RPS6KA2: variants seen among roughly 807,000 people sequenced by gnomAD.
RPS6KA2 encodes ribosomal protein S6 kinase alpha-2.
RPS6KA2 carries 42 observed loss-of-function variants against 91.8 expected under a neutral mutation model. The observed-to-expected ratio is 0.46, with a 90% CI of 0.36 to 0.59. The LOEUF (loss-of-function observed/expected upper bound fraction) is 0.59. Among genes scored for constraint, RPS6KA2 ranks in the 20% least tolerant of loss-of-function variants. The pLI, the probability that RPS6KA2 is intolerant of heterozygous loss-of-function variation, is 0.00. For synonymous variants in RPS6KA2, 414 were observed against 393.6 expected (o/e 1.05, Z -0.61); for missense variants, 798 against 978.5 (o/e 0.82, Z 2.46).
At chr6:166,485,344 G>C (rs1439502589) in intron 10 of RPS6KA2, among the ~76,000 whole-genome samples, 1 of 152,180 alleles carries the variant, frequency 6.6e-6, no homozygotes, top group Admixed American at 6.5e-5. Flanking sequence ...TGCATTTTGT[G>C]GCAGTTTACA....
chr6:166,504,175 G>A (rs974841937), intron 6 of RPS6KA2, among the ~76,000 whole-genome samples: 3 of 152,224 alleles, frequency 2.0e-5, no homozygotes, highest in Non-Finnish European at 2.9e-5. Flanking sequence ...GAGAGAGGGC[G>A]GGAATGTGGG....
chr6:166,537,641 C>G (rs1034015111), intron 2 of RPS6KA2, among the ~76,000 whole-genome samples: 1 of 152,232 alleles, frequency 6.6e-6, no homozygotes, highest in Non-Finnish European at 1.5e-5. Context: ...ATCCAGAACA[C>G]TAATGTACTA....
At position 166,451,572 on chromosome 6, in the gene RPS6KA2, C is replaced by T. The variant is rs996148063; in HGVS notation, c.1076-339G>A. ...ATATTCTTGACCACACTCCTCCACC[C>T]CTACCCACTCCAGACTCAGTTAAGA... On this transcript the variant is annotated intron_variant, in intron 12 of 20. Coordinates refer to ENST00000265678, the MANE Select transcript of RPS6KA2 (RefSeq NM_021135.6). Among the ~76,000 whole-genome samples the T allele has an allele frequency of 2.0e-5, 3 of 152,246 alleles. No homozygotes were observed. The South Asian group carries it at 6.2e-4, about 32-fold the overall frequency.
intron 2 of RPS6KA2, among the ~76,000 whole-genome samples, chr6:166,815,164 G>A (rs1779732039): frequency 6.6e-6 from 1 of 152,200 alleles, no homozygotes; most frequent in African/African-American, 2.4e-5. Flanking sequence ...AGAAACTAAT[G>A]AAAAGTCACT....
chr6:166,833,629 G>A (rs1174068432), intron 2 of RPS6KA2, among the ~76,000 whole-genome samples: 1 of 152,196 alleles, frequency 6.6e-6, no homozygotes. Context: ...CATAGTATTT[G>A]GGCCTGGCTG....
At position 166,418,297 on chromosome 6, in the gene RPS6KA2, A is replaced by T; in HGVS notation, c.1866T>A (p.Ile622=). 6.2e-7 allele frequency: 1 copy of T among 1,614,108 alleles called. No individual in the cohort carries two copies. Among genetic ancestry groups the T allele is most frequent in the Non-Finnish European group, 8.5e-7 (1 of 1,180,002 alleles). Residue 622 remains isoleucine, a synonymous_variant, in exon 19 of 21, where the codon ATT becomes ATA. Transcript: ENST00000265678. This position sits in a 1 kb window ranked among gnomAD's most constrained non-coding sequence, Gnocchi z 4.9. ...ANGPDDTPEE[I]LARIGSGKYA... is the part of the protein sequence containing the mutation. ...ACTTCCCACTGCCGATCCGCGCCAG[A>T]ATCTCCTCAGGGGTATCGTCTGGCC...
At chr6:166,742,084 G>T (rs1378673311) in intron 2 of RPS6KA2, among the ~76,000 whole-genome samples, 1 of 152,146 alleles carries the variant, frequency 6.6e-6, no homozygotes, top group Admixed American at 6.5e-5. Flanking sequence ...GCCAAGCTGA[G>T]ATCACACCAC....
chr6:166,476,947 T>G (rs544252360), intron 10 of RPS6KA2, among the ~76,000 whole-genome samples: 1 of 152,054 alleles, frequency 6.6e-6, no homozygotes, highest in Admixed American at 6.5e-5. Context: ...AGCCACCAAT[T>G]CCCCAGATGG....
intron 1 of RPS6KA2, among the ~76,000 whole-genome samples, chr6:166,572,136 CATAGAT>C (rs1191721903): frequency 1.3e-5 from 2 of 152,166 alleles, no homozygotes; most frequent in Non-Finnish European, 2.9e-5. Flanking sequence ...AAAACTCCTA[CATAGAT>C]ATAAATTCAA....
intron 2 of RPS6KA2, among the ~76,000 whole-genome samples, chr6:166,681,506 C>T (rs573457543): frequency 6.8e-4 from 104 of 152,194 alleles, no homozygotes; most frequent in Admixed American, 2.8e-3. Context: ...CCTGCAGCCA[C>T]GGCTGACCAG....
intron 1 of RPS6KA2, among the ~76,000 whole-genome samples, chr6:166,568,626 A>AAG (rs1784580410): frequency 5.4e-5 from 1 of 18,638 alleles, no homozygotes; most frequent in Non-Finnish European, 9.0e-5. Context: ...TCTCAGAAAA[A>AAG]AAAAAAAAAA....
intron 2 of RPS6KA2, chr6:166,757,857 G>A (rs1474124126): frequency 6.9e-6 from 2 of 289,524 alleles, no homozygotes; most frequent in Non-Finnish European, 1.4e-5. Flanking sequence ...AAGGAGAGAA[G>A]CTGAGAAAAC....
At chr6:166,485,919 G>A (rs766292543) in intron 10 of RPS6KA2, among the ~76,000 whole-genome samples, 6 of 152,182 alleles carry the variant, frequency 3.9e-5, no homozygotes, top group Non-Finnish European at 7.3e-5. Flanking sequence ...GACAGGCCCT[G>A]TGTGGATAGG....
At chr6:166,671,600 C>T (rs956472876) in intron 2 of RPS6KA2, among the ~76,000 whole-genome samples, 6 of 152,196 alleles carry the variant, frequency 3.9e-5, no homozygotes, top group African/African-American at 1.4e-4. Flanking sequence ...AACACAGCCT[C>T]AGATGGCAAG....
intron 1 of RPS6KA2, among the ~76,000 whole-genome samples, chr6:166,598,892 G>C (rs765530596): frequency 6.6e-6 from 1 of 152,138 alleles, no homozygotes; most frequent in African/African-American, 2.4e-5. Context: ...CATCAGACAC[G>C]GCTCACTCTC....
chr6:166,446,218 T>A (rs1714800893), intron 14 of RPS6KA2, among the ~76,000 whole-genome samples: 1 of 152,204 alleles, frequency 6.6e-6, no homozygotes, highest in Non-Finnish European at 1.5e-5. Context: ...TTGAACTTGT[T>A]GTCACCGCTC....
rs989196648 is a variant in RPS6KA2, at chr6:166,701,083, T to C, written c.123+157117A>G. 8.8e-6 allele frequency: 14 copies of C among 1,596,690 alleles called. No individual in the cohort carries two copies. The Admixed American group carries it at 1.3e-4, about 15-fold the overall frequency. On this transcript the variant is annotated intron_variant, in intron 2 of 21. Coordinates refer to the RPS6KA2 transcript ENST00000503859. ...TGGCATCTGCCTCCGTGGTGGGCTG[T>C]TTCCTGAGCCTTACTTCCGTCTTGA...
chr6:166,477,028 G>C (rs997700401), intron 10 of RPS6KA2, among the ~76,000 whole-genome samples: 1 of 152,182 alleles, frequency 6.6e-6, no homozygotes, highest in African/African-American at 2.4e-5. Context: ...CAGAAGCAGA[G>C]GTAAGTTCCA....
rs967307987 is a variant in RPS6KA2, at chr6:166,517,632, C to T, written c.299-7275G>A. ...CTGGGACTACAGGCGCCCGCCACCG[C>T]GCCCGGCTAATTTTTTGTATTTTTA... is the stretch of plus-strand genomic sequence containing the variant. On this transcript the variant is annotated intron_variant, in intron 3 of 20. Coordinates refer to ENST00000265678, the MANE Select transcript of RPS6KA2 (RefSeq NM_021135.6). 1.6e-3 allele frequency among the ~76,000 whole-genome samples: 237 copies of T among 151,368 alleles called. 1 individual carries two copies. The highest frequency in any genetic ancestry group is 5.3e-3 in the African/African-American group (220 of 41,178).
Sources: gnomAD v4.1 joint callset for allele counts (sites outside exome capture counted in the v4.1 genomes callset) on GRCh38, gnomAD v4.1.1 for gene constraint, Gnocchi (gnomAD v3.1) non-coding constraint, MANE v1.5 for transcripts, NCBI Gene and HGNC (gene_info 2026-07-23, HGNC 2026-07-21) for gene names.